Variants in ADAM10 observed in about 807,000 individuals in gnomAD.
ADAM10 encodes the protein ADAM metallopeptidase domain 10, also known as disintegrin and metalloproteinase domain-containing protein 10.
Under a neutral mutation model 90.1 loss-of-function variants are expected in ADAM10, and 17 were observed. The ratio of observed to expected loss-of-function variants is 0.19; its 90% CI spans 0.13 to 0.28. The LOEUF is 0.28. Among genes scored for constraint, ADAM10 ranks in the 10% least tolerant of loss-of-function variants. The pLI is 1.00. For missense variants in ADAM10, 610 were observed against 914.3 expected, an observed-to-expected ratio of 0.67 and a Z score of 4.29; for synonymous variants, 310 against 298.6, an observed-to-expected ratio of 1.04 and a Z score of -0.40.
rs201482030 is a variant in ADAM10 at position 58,646,158 on chromosome 15, T to C, written c.632A>G (p.Lys211Arg). The change falls in exon 6 of 16, where the codon AAA (lysine) becomes AGA (arginine). Residue 211 changes from lysine (K) to arginine (R), a missense_variant. Physicochemically the swap from Lys to Arg is conservative, Grantham distance 26. Around this residue, in one of 4 missense-constraint regions of ADAM10, gnomAD observed 310 missense variants for 362.4 expected, o/e 0.86. Coordinates refer to ENST00000260408, the MANE Select transcript of ADAM10 (RefSeq NM_001110.4). ...HAANGPELLRKKRTTSAEKNT... is the reference protein window; with the variant it reads ...HAANGPELLRRKRTTSAEKNT... ...TTTTTCAGCTGAAGTTGTACGTTTT[T>C]TCCTCAGAAGTTCTGGACCATTAGC... 1.5e-5 allele frequency: 25 copies of C among 1,613,554 alleles called. No individual in the cohort carries two copies. Among genetic ancestry groups the C allele is most frequent in the Non-Finnish European group, 2.1e-5 (25 of 1,179,860 alleles).
intron 5 of ADAM10, among the ~76,000 whole-genome samples, chr15:58,663,417 A>G (rs1897014482): frequency 6.6e-6 from 1 of 152,182 alleles, no homozygotes. Flanking sequence ...TTATTCCGCT[A>G]GTTAATTTGT....
Position 58,727,925 on chromosome 15 carries a change from CAG to C in ADAM10, c.56-10200_56-10199del, listed in dbSNP as rs554022387. On this transcript the variant is annotated intron_variant, in intron 1 of 15. Transcript: ENST00000260408. ...AAAAAGTTGATAGAACAGAAAAAAGCAGACTCTGTAACTAGAGTTGGAAATCA... is the reference window on the plus strand; with the variant it reads ...AAAAAGTTGATAGAACAGAAAAAAGCACTCTGTAACTAGAGTTGGAAATCA... Among the ~76,000 whole-genome samples the C allele has an allele frequency of 1.2e-4, 19 of 152,048 alleles. No individual in the cohort carries two copies. The East Asian group carries it at 3.7e-3, about 29-fold the overall frequency.
intron 11 of ADAM10, among the ~76,000 whole-genome samples, chr15:58,621,262 CAAAA>C (rs749439192): frequency 2.0e-4 from 5 of 25,264 alleles, no homozygotes; most frequent in East Asian, 1.5e-3. Context: ...GACCCTGTCT[CAAAA>C]AAAAAAAAAA....
chr15:58,682,790 G>A (rs1365358312), intron 2 of ADAM10, among the ~76,000 whole-genome samples: 1 of 152,150 alleles, frequency 6.6e-6, no homozygotes, highest in Middle Eastern at 3.2e-3. Flanking sequence ...AAAGACAAGT[G>A]TGTATGCTCT....
chr15:58,678,977 C>G, intron 4 of ADAM10, 147 bp downstream of exon 4: 1 of 777,448 alleles, frequency 1.3e-6, no homozygotes, highest in Non-Finnish European at 2.1e-6. Flanking sequence ...TCTACTATTC[C>G]TTAAATAGCA....
At chr15:58,614,373 T>C (rs1158313543) in intron 11 of ADAM10, among the ~76,000 whole-genome samples, 1 of 151,934 alleles carries the variant, frequency 6.6e-6, no homozygotes, top group African/African-American at 2.4e-5. Context: ...TCCTTGAGGA[T>C]TTATAGTCAA....
At chr15:58,730,369 T>A (rs1899196474) in intron 1 of ADAM10, among the ~76,000 whole-genome samples, 1 of 152,260 alleles carries the variant, frequency 6.6e-6, no homozygotes, top group Non-Finnish European at 1.5e-5. Context: ...ACTGCTATGC[T>A]CATTCATTTA....
intron 11 of ADAM10, among the ~76,000 whole-genome samples, chr15:58,614,926 C>T (rs1297900929): frequency 2.0e-5 from 3 of 151,996 alleles, no homozygotes; most frequent in Non-Finnish European, 4.4e-5. Context: ...ACTACCAAAC[C>T]ACAATGCTAA....
At chr15:58,606,152 C>T (rs569087715) in intron 14 of ADAM10, among the ~76,000 whole-genome samples, 2 of 152,284 alleles carry the variant, frequency 1.3e-5, no homozygotes, top group South Asian at 4.1e-4. Flanking sequence ...ATGTGGGGCC[C>T]AGAGCTCCTT....
At chr15:58,653,253 G>C (rs1023389041) in intron 5 of ADAM10, among the ~76,000 whole-genome samples, 40 of 152,258 alleles carry the variant, frequency 2.6e-4, no homozygotes, top group African/African-American at 9.1e-4. Context: ...CCAGTACTAT[G>C]TTGAGTAACA....
chr15:58,624,719 G>C (rs1051887623), intron 10 of ADAM10, among the ~76,000 whole-genome samples: 1 of 152,112 alleles, frequency 6.6e-6, no homozygotes, highest in Non-Finnish European at 1.5e-5. Flanking sequence ...TTTTTGTAGA[G>C]ACAGGGTTTC....
chr15:58,683,225 A>G (rs988904548), intron 2 of ADAM10, among the ~76,000 whole-genome samples: 1 of 152,240 alleles, frequency 6.6e-6, no homozygotes, highest in African/African-American at 2.4e-5. Context: ...AATTGTGAAC[A>G]TAATAGAATT....
chr15:58,597,508 C>T lies in ADAM10; in HGVS notation c.*39G>A, dbSNP rs201169297. Reference sequence around the variant, plus strand: ...GTTTCTCTTTGGAGTGAAGTTTTCCCATTGTAGGCACTAGGAAGAACCAAG... The same window carrying T: ...GTTTCTCTTTGGAGTGAAGTTTTCCTATTGTAGGCACTAGGAAGAACCAAG... On this transcript the variant is annotated 3_prime_UTR_variant, in exon 16 of 16. Transcript: ENST00000260408. 5.0e-6 allele frequency: 8 copies of T among 1,613,890 alleles called. No individual in the cohort carries two copies. Among genetic ancestry groups the T allele is most frequent in the East Asian group, 2.2e-5 (1 of 44,858 alleles).
intron 5 of ADAM10, among the ~76,000 whole-genome samples, chr15:58,651,164 A>G (rs1419625136): frequency 2.0e-5 from 3 of 152,140 alleles, no homozygotes; most frequent in Non-Finnish European, 4.4e-5. Context: ...CATAAGATAT[A>G]TAATACTTTG....
chr15:58,652,212 T>A (rs1327710382), intron 5 of ADAM10, among the ~76,000 whole-genome samples: 5 of 152,222 alleles, frequency 3.3e-5, no homozygotes, highest in African/African-American at 1.2e-4. Flanking sequence ...CCCACTTTGT[T>A]AATCGTATCC....
At chr15:58,645,213 T>G (rs2140694208) in intron 6 of ADAM10, among the ~76,000 whole-genome samples, 1 of 152,346 alleles carries the variant, frequency 6.6e-6, no homozygotes, top group South Asian at 2.1e-4. Flanking sequence ...AATTCCTAAC[T>G]GCTCATAGGG....
intron 1 of ADAM10, among the ~76,000 whole-genome samples, chr15:58,736,469 C>A (rs1251711210): frequency 6.6e-6 from 1 of 152,024 alleles, no homozygotes; most frequent in Non-Finnish European, 1.5e-5. Context: ...TACTTATAAG[C>A]CCCATGGGAA....
chr15:58,695,138 C>A (rs776756727), intron 2 of ADAM10, among the ~76,000 whole-genome samples: 2 of 152,182 alleles, frequency 1.3e-5, no homozygotes, highest in African/African-American at 4.8e-5. Flanking sequence ...TCTTGGCACC[C>A]TTTTAGTTTG....
At chr15:58,708,335 A>G (rs1194850425) in intron 2 of ADAM10, among the ~76,000 whole-genome samples, 1 of 151,992 alleles carries the variant, frequency 6.6e-6, no homozygotes, top group Non-Finnish European at 1.5e-5. Flanking sequence ...AGGATGGCAA[A>G]ATGCTGAACA....
Sources: gnomAD v4.1 joint callset for allele counts (sites outside exome capture counted in the v4.1 genomes callset) on GRCh38, gnomAD v4.1.1 for gene constraint, gnomAD v4.1.1 regional missense constraint, MANE v1.5 for transcripts, NCBI Gene and HGNC (gene_info 2026-07-23, HGNC 2026-07-21) for gene names.